The following LAMA2 variants were observed in gnomAD, a reference collection of about 807,000 sequenced individuals.
LAMA2 encodes the protein laminin subunit alpha 2, also known as laminin subunit alpha-2.
A neutral mutation model predicts 364.8 loss-of-function variants in LAMA2; 269 were observed. The observed-to-expected ratio is 0.74, with a 90% CI of 0.67 to 0.82. The LOEUF (loss-of-function observed/expected upper bound fraction) is 0.82. Ranked by LOEUF, LAMA2 falls within the 40% of genes least tolerant of loss-of-function variation. The pLI is 0.00. For synonymous variants in LAMA2, 1,379 were observed against 1,370.6 expected (o/e 1.01, Z -0.14); for missense variants, 3,807 against 3,873.2 (o/e 0.98, Z 0.45).
At chr6:129,292,708 C>G in intron 20 of LAMA2, 1 of 653,408 alleles carries the variant, frequency 1.5e-6, no homozygotes, top group Non-Finnish European at 1.9e-6. Flanking sequence ...ACTGGCCTTA[C>G]TGTAGGAAGT....
At chr6:128,917,709 T>TCTTTCTTTCTTC (rs1778421829) in intron 1 of LAMA2, among the ~76,000 whole-genome samples, 1 of 116,992 alleles carries the variant, frequency 8.5e-6, no homozygotes, top group Non-Finnish European at 1.7e-5. Flanking sequence ...CTTTTTTTTT[T>TCTTTCTTTCTTC]CTTTCTTTCT....
intron 38 of LAMA2, among the ~76,000 whole-genome samples, 169 bp from the exon 39 acceptor site, chr6:129,402,155 G>T (rs1443202476): frequency 6.7e-6 from 1 of 149,430 alleles, no homozygotes; most frequent in Non-Finnish European, 1.5e-5. Context: ...GTTGCAGTGA[G>T]CTGAGATCGC....
chr6:129,290,903 A>T (rs1789647774), intron 19 of LAMA2, among the ~76,000 whole-genome samples: 1 of 152,232 alleles, frequency 6.6e-6, no homozygotes, highest in Non-Finnish European at 1.5e-5. Context: ...CTTAAATGTT[A>T]TAATGCTATA....
intron 2 of LAMA2, among the ~76,000 whole-genome samples, chr6:129,053,925 A>G (rs1384114859): frequency 6.6e-6 from 1 of 152,158 alleles, no homozygotes; most frequent in African/African-American, 2.4e-5. Context: ...GCTTGGGGGG[A>G]AAGGCAGGGA....
chr6:129,449,528 A>G (rs1334170734), intron 45 of LAMA2, among the ~76,000 whole-genome samples: 2 of 152,070 alleles, frequency 1.3e-5, no homozygotes, highest in East Asian at 3.9e-4. Context: ...CCCCCTCCCA[A>G]CACTGTTGCA....
chr6:129,498,782 T>G (rs1005591536), intron 58 of LAMA2, among the ~76,000 whole-genome samples: 5 of 152,230 alleles, frequency 3.3e-5, no homozygotes, highest in African/African-American at 7.2e-5. Context: ...TATAAATCTC[T>G]GCTCAGGACC....
chr6:128,922,864 C>A (rs1441370754), intron 1 of LAMA2, among the ~76,000 whole-genome samples: 3 of 152,184 alleles, frequency 2.0e-5, no homozygotes, highest in African/African-American at 7.2e-5. Flanking sequence ...ATTCTTTAAT[C>A]CATCTTGAAT....
chr6:129,461,360 C>T (rs1783248135), intron 49 of LAMA2, among the ~76,000 whole-genome samples: 2 of 151,980 alleles, frequency 1.3e-5, no homozygotes, highest in Non-Finnish European at 2.9e-5. Context: ...TCTTAACTTC[C>T]AACTCTTTGT....
At chr6:129,181,002 G>A (rs1309276208) in intron 10 of LAMA2, among the ~76,000 whole-genome samples, 2 of 151,976 alleles carry the variant, frequency 1.3e-5, no homozygotes, top group African/African-American at 4.8e-5. Flanking sequence ...GTGAAATGGG[G>A]GCTAGAAAAT....
chr6:129,398,625 C>G (rs889054288), intron 37 of LAMA2, among the ~76,000 whole-genome samples: 7 of 151,858 alleles, frequency 4.6e-5, no homozygotes, highest in African/African-American at 1.7e-4. Flanking sequence ...CAGGCATGCA[C>G]CACCACACCC....
chr6:129,255,096 C>T (rs563132174), intron 14 of LAMA2, among the ~76,000 whole-genome samples: 1 of 151,742 alleles, frequency 6.6e-6, no homozygotes, highest in South Asian at 2.1e-4. Context: ...GCAGCTTACT[C>T]AGCAATCAGA....
intron 63 of LAMA2, among the ~76,000 whole-genome samples, chr6:129,512,985 GC>G: frequency 6.6e-6 from 1 of 152,220 alleles, no homozygotes; most frequent in East Asian, 1.9e-4. Context: ...TCAAAAAACA[GC>G]AAATTTATAA....
At chr6:129,224,480 G>T (rs1301637690) in intron 12 of LAMA2, among the ~76,000 whole-genome samples, 1 of 152,068 alleles carries the variant, frequency 6.6e-6, no homozygotes, top group Non-Finnish European at 1.5e-5. Context: ...TTGGCTGTGG[G>T]TTTGTCATAG....
intron 44 of LAMA2, 45 bp from the exon 45 acceptor site, chr6:129,445,622 C>T (rs764368082): frequency 1.1e-5 from 17 of 1,522,498 alleles, no homozygotes; most frequent in East Asian, 9.0e-5. Context: ...TGTGTGTGCA[C>T]GTGTGTGCAT....
intron 10 of LAMA2, among the ~76,000 whole-genome samples, chr6:129,182,395 C>T (rs986786667): frequency 4.0e-5 from 6 of 151,208 alleles, no homozygotes; most frequent in African/African-American, 1.5e-4. Context: ...AAACATTTAC[C>T]CCAAAAAACT....
chr6:129,232,655 T>G (rs749422359), intron 12 of LAMA2, among the ~76,000 whole-genome samples: 2 of 152,150 alleles, frequency 1.3e-5, no homozygotes, highest in Non-Finnish European at 2.9e-5. Context: ...GGCTAAATAA[T>G]GCCCTCCTCC....
rs1429113714 is a variant in LAMA2 at position 129,192,748 on chromosome 6, C to T, written c.1677C>T (p.Asp559=). The change falls in exon 12 of 65, where the codon GAC becomes GAT. Residue 559 remains aspartate, a synonymous_variant. Transcript: ENST00000421865. ...PGRIRVAPQQ[D]DLDSPQQISI... Reference sequence around the variant, plus strand: ...GCATTCGAGTGGCTCCCCAGCAGGACGACTTGGACTCACCTCAGCAGATCA... The same window carrying T: ...GCATTCGAGTGGCTCCCCAGCAGGATGACTTGGACTCACCTCAGCAGATCA... The T allele has an allele frequency of 6.2e-7, 1 of 1,614,152 alleles. No homozygotes were observed. The highest frequency in any genetic ancestry group is 1.3e-5 in the African/African-American group (1 of 75,042).
intron 4 of LAMA2, among the ~76,000 whole-genome samples, chr6:129,133,418 C>T (rs573447050): frequency 1.3e-5 from 2 of 151,912 alleles, no homozygotes; most frequent in African/African-American, 4.8e-5. Flanking sequence ...AAAGAGACAC[C>T]AAAAAATTAG....
At chr6:129,416,564 C>T (rs1034164502) in intron 40 of LAMA2, among the ~76,000 whole-genome samples, 4 of 152,082 alleles carry the variant, frequency 2.6e-5, no homozygotes, top group Non-Finnish European at 5.9e-5. Context: ...ACCCTTTGGG[C>T]CCTACACAGA....
Sources: gnomAD v4.1 joint callset for allele counts (sites outside exome capture counted in the v4.1 genomes callset) on GRCh38, gnomAD v4.1.1 for gene constraint, MANE v1.5 for transcripts, NCBI Gene and HGNC (gene_info 2026-07-23, HGNC 2026-07-21) for gene names.